The following AGMO variants were observed in gnomAD, a reference collection of about 807,000 sequenced individuals.
AGMO encodes the protein alkylglycerol monooxygenase, also known as glyceryl-ether monooxygenase.
AGMO carries 75 observed loss-of-function variants against 60.2 expected under a neutral mutation model. The ratio of observed to expected loss-of-function variants is 1.25; its 90% CI spans 1.03 to 1.51. The LOEUF is 1.51. Among genes scored for constraint, AGMO ranks in the 40% most tolerant of loss-of-function variants. The pLI is 0.00. For missense variants in AGMO, 763 were observed against 525.5 expected (o/e 1.45, Z -4.42); for synonymous variants, 261 against 177.1 (o/e 1.47, Z -3.76).
At chr7:15,539,781 G>T (rs1784574926) in intron 3 of AGMO, among the ~76,000 whole-genome samples, 1 of 151,810 alleles carries the variant, frequency 6.6e-6, no homozygotes, top group Admixed American at 6.6e-5. Flanking sequence ...TTTTTTTTCT[G>T]CAACCTCACC....
chr7:15,520,592 A>G (rs1334367350), intron 3 of AGMO, among the ~76,000 whole-genome samples: 1 of 152,224 alleles, frequency 6.6e-6, no homozygotes, highest in Admixed American at 6.5e-5. Flanking sequence ...CTGCTCCTGC[A>G]TGACTACTGG....
intron 10 of AGMO, among the ~76,000 whole-genome samples, chr7:15,370,292 C>G (rs1266124635): frequency 6.6e-6 from 1 of 152,178 alleles, no homozygotes; most frequent in Non-Finnish European, 1.5e-5. Context: ...TCTTCAACAA[C>G]CAATCCTCCG....
At chr7:15,330,384 T>TA (rs1781463344) in intron 12 of AGMO, among the ~76,000 whole-genome samples, 1 of 152,208 alleles carries the variant, frequency 6.6e-6, no homozygotes, top group Non-Finnish European at 1.5e-5. Context: ...ATTAAATTCT[T>TA]AACTTTATCC....
intron 12 of AGMO, among the ~76,000 whole-genome samples, chr7:15,213,684 T>C (rs1408990305): frequency 6.6e-6 from 1 of 151,948 alleles, no homozygotes; most frequent in East Asian, 1.9e-4. Context: ...TCAAGATTCC[T>C]GATCTCCTCG....
At chr7:15,490,886 A>C (rs1344145071) in intron 3 of AGMO, among the ~76,000 whole-genome samples, 1 of 152,220 alleles carries the variant, frequency 6.6e-6, no homozygotes, top group Non-Finnish European at 1.5e-5. Flanking sequence ...AATGTTATAC[A>C]ATGCTTGAAA....
chr7:15,133,613 AT>A, the AGMO span, among the ~76,000 whole-genome samples: 7 of 151,764 alleles, frequency 4.6e-5, no homozygotes, highest in African/African-American at 1.2e-4. Context: ...AGGAGCTAGG[AT>A]TTTTTTTTGA....
At chr7:15,514,813 C>A (rs1783767752) in intron 3 of AGMO, among the ~76,000 whole-genome samples, 1 of 152,194 alleles carries the variant, frequency 6.6e-6, no homozygotes, top group Admixed American at 6.5e-5. Context: ...GGTGCAGAGA[C>A]TTCTCCAGAA....
chr7:15,467,538 C>G (rs1405247597), intron 3 of AGMO, among the ~76,000 whole-genome samples: 1 of 152,130 alleles, frequency 6.6e-6, no homozygotes, highest in Non-Finnish European at 1.5e-5. Context: ...TAAATACACA[C>G]AAAAGGACTA....
At chr7:15,529,688 A>AAT (rs1384731248) in intron 3 of AGMO, among the ~76,000 whole-genome samples, 1 of 80,800 alleles carries the variant, frequency 1.2e-5, no homozygotes, top group Non-Finnish European at 2.3e-5. Flanking sequence ...CTATATATAG[A>AAT]ATATATATTC....
At chr7:15,448,011 C>T (rs1312203902) in intron 3 of AGMO, among the ~76,000 whole-genome samples, 3 of 152,264 alleles carry the variant, frequency 2.0e-5, no homozygotes, top group African/African-American at 2.4e-5. Context: ...TTGATTGCTT[C>T]GGGTTACAAA....
intron 5 of AGMO, among the ~76,000 whole-genome samples, chr7:15,399,368 G>C (rs989427662): frequency 5.9e-5 from 9 of 152,152 alleles, no homozygotes; most frequent in Non-Finnish European, 1.3e-4. Flanking sequence ...GTTCTAAACA[G>C]AGTTGACTAG....
the AGMO span, among the ~76,000 whole-genome samples, chr7:15,152,028 C>T: frequency 3.9e-5 from 6 of 152,000 alleles, no homozygotes; most frequent in East Asian, 3.9e-4. Context: ...TAAGTCTCTT[C>T]GTAGGTCTAT....
intron 12 of AGMO, among the ~76,000 whole-genome samples, chr7:15,287,751 A>G (rs1004017046): frequency 2.6e-5 from 4 of 151,788 alleles, no homozygotes; most frequent in African/African-American, 4.8e-5. Context: ...ATTAGCATCA[A>G]TGAATACTTT....
chr7:15,449,021 C>A (rs1781785644), intron 3 of AGMO, among the ~76,000 whole-genome samples: 1 of 152,250 alleles, frequency 6.6e-6, no homozygotes. Context: ...AGCTGGCATT[C>A]TTTCCGGAGT....
intron 12 of AGMO, chr7:15,306,381 A>C (rs1441518623): frequency 2.9e-6 from 1 of 349,626 alleles, no homozygotes; most frequent in East Asian, 9.6e-5. Flanking sequence ...TGGGGCTTAC[A>C]AAATCTTTAT....
chr7:15,510,754 A>G (rs1783649678), intron 3 of AGMO, among the ~76,000 whole-genome samples: 2 of 150,114 alleles, frequency 1.3e-5, no homozygotes, highest in Admixed American at 1.3e-4. Context: ...GTCTCTACTT[A>G]ACGTTATTGA....
intron 12 of AGMO, among the ~76,000 whole-genome samples, chr7:15,344,751 G>A (rs186518012): frequency 4.6e-5 from 7 of 152,090 alleles, no homozygotes; most frequent in Non-Finnish European, 1.0e-4. Flanking sequence ...TTGCTCTCAA[G>A]AGAAGACTTT....
At chr7:15,334,671 C>A (rs1365448056) in intron 12 of AGMO, among the ~76,000 whole-genome samples, 3 of 152,128 alleles carry the variant, frequency 2.0e-5, no homozygotes, top group African/African-American at 4.8e-5. Context: ...GGATATCCCG[C>A]CAACAACCAT....
intron 12 of AGMO, among the ~76,000 whole-genome samples, chr7:15,277,254 C>T (rs900528684): frequency 2.6e-5 from 4 of 151,768 alleles, no homozygotes; most frequent in Non-Finnish European, 5.9e-5. Context: ...TCAGTGAGTA[C>T]AGATCATGCC....
Sources: allele counts gnomAD v4.1 joint callset (sites outside exome capture counted in the v4.1 genomes callset), GRCh38; gene constraint gnomAD v4.1.1; transcripts MANE v1.5; gene names NCBI Gene and HGNC (gene_info 2026-07-23, HGNC 2026-07-21).